Variants in CCSAP observed in about 807,000 individuals in gnomAD.
CCSAP encodes the protein centriole, cilia and spindle associated protein, also known as centriole, cilia and spindle-associated protein.
A neutral mutation model predicts 25.9 loss-of-function variants in CCSAP; 17 were observed. That is an observed-to-expected ratio of 0.66 (90% confidence interval 0.45 to 0.99). The LOEUF (loss-of-function observed/expected upper bound fraction) is 0.99. CCSAP is among the 50% of genes least tolerant of loss of function. The probability of loss-of-function intolerance (pLI) is 0.00; values close to 1 mark genes in which losing one functional copy is unlikely to be tolerated. For synonymous variants in CCSAP, 169 were observed against 157.1 expected, an observed-to-expected ratio of 1.08 and a Z score of -0.57; for missense variants, 339 against 367.8, an observed-to-expected ratio of 0.92 and a Z score of 0.64.
In CCSAP at chr1:229,342,608, G is replaced by T. The variant is rs1483290364; in HGVS notation, c.-48-95C>A. ...AACCCGGAGCCCCGCCCGGACGGGA[G>T]CAGGGGGCGGGTCCCGGCGAGGGCG... On this transcript the variant is annotated intron_variant, in intron 1 of 3. Coordinates refer to ENST00000284617, the MANE Select transcript of CCSAP (RefSeq NM_145257.5). This position sits in a 1 kb window ranked among gnomAD's most constrained non-coding sequence, Gnocchi z 7.5. 2.0e-6 allele frequency: 1 copy of T among 503,328 alleles called. No homozygotes were observed. The highest frequency in any genetic ancestry group is 3.1e-6 in the Non-Finnish European group (1 of 326,742). The allele number at this position is 503,328 out of a possible 1,614,324, so 31.2% of individuals were successfully genotyped here. A position where few individuals can be genotyped will look rare whatever the true frequency, so the allele number is the denominator to read the frequency against.
At chr1:229,333,364 C>T (rs546923748) in intron 2 of CCSAP, among the ~76,000 whole-genome samples, 7 of 136,686 alleles carry the variant, frequency 5.1e-5, no homozygotes, top group South Asian at 5.0e-4. Context: ...ACCCGGGAGG[C>T]GGAGCTTGCA....
intron 2 of CCSAP, among the ~76,000 whole-genome samples, chr1:229,333,650 C>T (rs1195465535): frequency 2.6e-5 from 4 of 151,904 alleles, no homozygotes; most frequent in African/African-American, 4.8e-5. Context: ...GAAGCTGAGG[C>T]GGGTGCATAG....
chr1:229,342,370 G>A lies in CCSAP; in HGVS notation c.96C>T (p.His32=). The change falls in exon 2 of 4, where the codon CAC becomes CAT. Residue 32 remains histidine (H), a synonymous_variant. Coordinates refer to ENST00000284617, the MANE Select transcript of CCSAP (RefSeq NM_145257.5). The surrounding 1 kb of genome is among the most constrained non-coding windows in gnomAD (Gnocchi z 7.5). ...EYGPCYRELL[H]YRLGRRLLEQ... ...CCAGCAGCCGGCGGCCTAGGCGGTA[G>A]TGCAGCAGCTCGCGGTAGCACGGCC... 2.7e-6 allele frequency: 4 copies of A among 1,509,242 alleles called. No homozygotes were observed. The highest frequency in any genetic ancestry group is 2.7e-6 in the Non-Finnish European group (3 of 1,127,346). 93.5% of individuals were successfully genotyped at this position (1,509,242 alleles called of 1,614,324 possible).
rs2282083 is a variant in CCSAP, at chr1:229,325,277, C to T, written c.771G>A (p.Pro257=). 692,517 of 1,613,360 alleles carry T rather than the reference C, an allele frequency of 0.43. 150,594 individuals are homozygous for T. Among genetic ancestry groups the T allele is most frequent in the Admixed American group, 0.46 (27,405 of 59,926 alleles). The change falls in exon 4 of 4, where the codon CCG becomes CCA. Residue 257 remains proline (P), a synonymous_variant. Coordinates refer to ENST00000284617, the MANE Select transcript of CCSAP (RefSeq NM_145257.5). ...AGCACCTCATGTATTCTGTCATCCA[C>T]GGGTTCTCTGAGGAGGAAGCCTTCA... The part of the protein sequence containing the change: ...RKMKASSSEN[P]WMTEYMRCYS...
At position 229,330,313 on chromosome 1, in the gene CCSAP, C is replaced by T. The variant is rs1658037633; in HGVS notation, c.368-3307G>A. Among the ~76,000 whole-genome samples the T allele has an allele frequency of 5.9e-5, 9 of 152,294 alleles. No homozygotes were observed. In the South Asian group the frequency reaches 1.9e-3, roughly 32 times the overall value. On this transcript the variant is annotated intron_variant, in intron 2 of 3. Transcript: ENST00000284617. ...ACACTCCTGGTCCCGGCAGCCAGACCTTCAACTGGAGCTCAGGAGAGAAGA... is the reference window on the plus strand; with the variant it reads ...ACACTCCTGGTCCCGGCAGCCAGACTTTCAACTGGAGCTCAGGAGAGAAGA...
intron 2 of CCSAP, chr1:229,340,620 T>C: frequency 5.7e-6 from 3 of 529,960 alleles, no homozygotes; most frequent in Non-Finnish European, 1.0e-5. Flanking sequence ...TTCTGTTATT[T>C]GCATTTCTAG....
chr1:229,337,676 AAAATATAT>A (rs1373181704), intron 2 of CCSAP, among the ~76,000 whole-genome samples: 1 of 49,934 alleles, frequency 2.0e-5, no homozygotes. Flanking sequence ...GGCTCAAAAA[AAAATATAT>A]ATATATATAT....
Position 229,342,149 on chromosome 1 carries a change from G to A in CCSAP, c.317C>T (p.Ala106Val). Reference protein sequence around the residue: ...RARGAPEEQDAEAGDAEAEDA... With the variant: ...RARGAPEEQDVEAGDAEAEDA... ...CTCGGCCTCCGCGTCCCCGGCCTCC[G>A]CGTCCTGCTCCTCCGGGGCCCCGCG... Residue 106 changes from alanine (A) to valine (V), a missense_variant, in exon 2 of 4, where the codon GCG becomes GTG. By Grantham distance (64) the Ala-to-Val change is moderately conservative. Coordinates refer to ENST00000284617, the MANE Select transcript of CCSAP (RefSeq NM_145257.5). This position sits in a 1 kb window ranked among gnomAD's most constrained non-coding sequence, Gnocchi z 7.5. 2 of 1,325,470 alleles carry A rather than the reference G, an allele frequency of 1.5e-6. No individual in the cohort carries two copies. Among genetic ancestry groups the A allele is most frequent in the Non-Finnish European group, 9.7e-7 (1 of 1,036,120 alleles). 82.1% of individuals were successfully genotyped at this position (1,325,470 alleles called of 1,614,324 possible). A position where few individuals can be genotyped will look rare whatever the true frequency, so the allele number is the denominator to read the frequency against.
intron 2 of CCSAP, chr1:229,340,495 A>G (rs1343323663): frequency 1.4e-6 from 1 of 709,674 alleles, no homozygotes; most frequent in African/African-American, 1.8e-5. Context: ...CATCACAAAC[A>G]ATAAAAGATC....
intron 2 of CCSAP, 41 bp from the exon 3 acceptor site, chr1:229,327,047 C>A: frequency 6.7e-7 from 1 of 1,490,242 alleles, no homozygotes; most frequent in South Asian, 1.3e-5. Context: ...ACTTTGAAAT[C>A]AGATTTATAT....
chr1:229,337,277 C>T (rs1658214520), intron 2 of CCSAP, among the ~76,000 whole-genome samples: 1 of 147,838 alleles, frequency 6.8e-6, no homozygotes. Context: ...CAAAAACAAA[C>T]ATAGGGGGGT....
rs960565845 is a variant in CCSAP at position 229,342,623 on chromosome 1, C to A, written c.-48-110G>T. On this transcript the variant is annotated intron_variant, in intron 1 of 3. Transcript: ENST00000284617. This position sits in a 1 kb window ranked among gnomAD's most constrained non-coding sequence, Gnocchi z 7.5. ...CCGGACGGGAGCAGGGGGCGGGTCC[C>A]GGCGAGGGCGGGGAGGGGGCGGGGC... The A allele has an allele frequency of 4.7e-6, 2 of 422,476 alleles. No individual in the cohort carries two copies. Among genetic ancestry groups the A allele is most frequent in the Non-Finnish European group, 7.8e-6 (2 of 257,208 alleles). 26.2% of individuals were successfully genotyped at this position (422,476 alleles called of 1,614,324 possible). A position where few individuals can be genotyped will look rare whatever the true frequency, so the allele number is the denominator to read the frequency against.
intron 3 of CCSAP, among the ~76,000 whole-genome samples, chr1:229,325,638 G>A (rs1389742535): frequency 1.3e-5 from 2 of 152,322 alleles, no homozygotes; most frequent in East Asian, 3.9e-4. Context: ...CTAAGCAACA[G>A]CAAATTAAAT....
rs751044913 is a variant in CCSAP, at chr1:229,326,741, G to C, written c.633C>G (p.His211Gln). The change falls in exon 3 of 4, where the codon CAC becomes CAG. Residue 211 changes from histidine to glutamine, a missense_variant. Physicochemically the swap from His to Gln is conservative, Grantham distance 24. Transcript: ENST00000284617. ...ACCACAAGGGCCCAGAGCGCACCTC[G>C]TGCACAGGAGCGGACGCACAGACGT... Reference protein sequence around the residue: ...THNVCASAPVHEIHESALRAK... With the variant: ...THNVCASAPVQEIHESALRAK... 1 of 1,614,056 alleles carries C rather than the reference G, an allele frequency of 6.2e-7. No individual in the cohort carries two copies. The highest frequency in any genetic ancestry group is 8.5e-7 in the Non-Finnish European group (1 of 1,179,932).
chr1:229,337,678 A>AAAATAT lies in CCSAP; in HGVS notation c.367+4420_367+4421insATATTT. Among the ~76,000 whole-genome samples, 19 of 65,494 alleles carry AAAATAT rather than the reference A, an allele frequency of 2.9e-4. 1 individual carries two copies. The highest frequency in any genetic ancestry group is 8.4e-4 in the African/African-American group (14 of 16,630). The allele number at this position is 65,494 out of a possible 152,430, so 43.0% of individuals were successfully genotyped here. A position where few individuals can be genotyped will look rare whatever the true frequency, so the allele number is the denominator to read the frequency against. ...GAACAAGATCAAAGGCTCAAAAAAA[A>AAAATAT]ATATATATATATATATATATACACA... On this transcript the variant is annotated intron_variant, in intron 2 of 3. Coordinates refer to ENST00000284617, the MANE Select transcript of CCSAP (RefSeq NM_145257.5).
rs1011515638 is a variant in CCSAP, at chr1:229,323,830, G to C, written c.*1405C>G. Reference sequence around the variant, plus strand: ...TTGACTATGGTTTTCCAAAGACCCAGAGAAAAATACTAAGGTAATACTCAG... The same window carrying C: ...TTGACTATGGTTTTCCAAAGACCCACAGAAAAATACTAAGGTAATACTCAG... On this transcript the variant is annotated 3_prime_UTR_variant, in exon 4 of 4. Transcript: ENST00000284617. 6 of 152,196 alleles carry C rather than the reference G, an allele frequency of 3.9e-5. No homozygotes were observed. The highest frequency in any genetic ancestry group is 1.4e-4 in the African/African-American group (6 of 41,454). The allele number at this position is 152,196 out of a possible 1,614,324, so 9.4% of individuals were successfully genotyped here.
In CCSAP at chr1:229,326,756, C is replaced by G. The variant is rs530567591; in HGVS notation, c.618G>C (p.Ala206=). 6 of 1,614,224 alleles carry G rather than the reference C, an allele frequency of 3.7e-6. No individual in the cohort carries two copies. In the East Asian group the frequency reaches 1.3e-4, roughly 36 times the overall value. Residue 206 remains alanine (A), a synonymous_variant, in exon 3 of 4, where the codon GCG becomes GCC. Coordinates refer to ENST00000284617, the MANE Select transcript of CCSAP (RefSeq NM_145257.5). The part of the protein sequence containing the change: ...TGSQKTHNVC[A]SAPVHEIHES... ...AGCGCACCTCGTGCACAGGAGCGGA[C>G]GCACAGACGTTGTGAGTCTTCTGGC...
chr1:229,326,180 T>C (rs1044380991), intron 3 of CCSAP, among the ~76,000 whole-genome samples: 61 of 152,158 alleles, frequency 4.0e-4, no homozygotes, highest in African/African-American at 1.5e-3. Flanking sequence ...TAAGGCTAAG[T>C]CAGGGGAGGA....
intron 2 of CCSAP, among the ~76,000 whole-genome samples, chr1:229,335,129 A>ATAG (rs1658167072): frequency 6.6e-6 from 1 of 152,140 alleles, no homozygotes; most frequent in Non-Finnish European, 1.5e-5. Flanking sequence ...GCTAGGCAAC[A>ATAG]TAGCAAGACC....
Sources: allele counts gnomAD v4.1 joint callset (sites outside exome capture counted in the v4.1 genomes callset), GRCh38; gene constraint gnomAD v4.1.1; non-coding constraint Gnocchi (gnomAD v3.1); transcripts MANE v1.5; gene names NCBI Gene and HGNC (gene_info 2026-07-23, HGNC 2026-07-21).